The following TMED2 variants were observed in gnomAD, a reference collection of about 807,000 sequenced individuals.
TMED2 encodes the protein transmembrane p24 trafficking protein 2.
In TMED2, 3 loss-of-function variants were observed where a neutral mutation model predicts 17.5. The ratio of observed to expected loss-of-function variants is 0.17; its 90% CI spans 0.08 to 0.44. TMED2 has a LOEUF of 0.44. TMED2 is among the 20% of genes least tolerant of loss of function. The pLI is 0.99. For synonymous variants in TMED2, 95 were observed against 91.0 expected (o/e 1.04, Z -0.25); for missense variants, 149 against 254.8 (o/e 0.58, Z 2.83).
chr12:123,589,954 G>A (rs1275756290), intron 2 of TMED2, among the ~76,000 whole-genome samples: 2 of 151,228 alleles, frequency 1.3e-5, no homozygotes, highest in Admixed American at 1.3e-4. Context: ...CACTGTACTT[G>A]AGCCTGGGTG....
At chr12:123,584,979 C>T (rs1886312089) in intron 1 of TMED2, 163 bp downstream of exon 1, 3 of 887,632 alleles carry the variant, frequency 3.4e-6, no homozygotes, top group Non-Finnish European at 5.0e-6. Flanking sequence ...CCGGCCACGG[C>T]GACCTCCTAA....
chr12:123,595,324 A>G (rs1337913664), intron 3 of TMED2, among the ~76,000 whole-genome samples: 2 of 152,200 alleles, frequency 1.3e-5, no homozygotes, highest in Admixed American at 6.5e-5. Flanking sequence ...TACTTTAAGG[A>G]TCAAATCCTT....
At position 123,598,124 on chromosome 12, in the gene TMED2, C is replaced by A. The variant is rs775509442; in HGVS notation, c.*1395C>A. 9.8e-5 allele frequency: 15 copies of A among 152,398 alleles called. No individual in the cohort carries two copies. The highest frequency in any genetic ancestry group is 2.2e-4 in the Non-Finnish European group (15 of 67,994). 9.4% of individuals were successfully genotyped at this position (152,398 alleles called of 1,614,324 possible). ...ATATGCCCCAGGTTCGGTAAATAAACAATTCTTTTTAAAAACAGTATTCTG... is the reference window on the plus strand; with the variant it reads ...ATATGCCCCAGGTTCGGTAAATAAAAAATTCTTTTTAAAAACAGTATTCTG... On this transcript the variant is annotated 3_prime_UTR_variant, in exon 4 of 4. Coordinates refer to ENST00000262225, the MANE Select transcript of TMED2 (RefSeq NM_006815.4).
In TMED2 at chr12:123,592,347, G is replaced by A. The variant is rs148978857; in HGVS notation, c.481+1898G>A. ...TGGAAGGGCACTGAACTAACTCAGA[G>A]GGCAAGTTCCTCTACTTTGCAATTT... On this transcript the variant is annotated intron_variant, in intron 3 of 3. Transcript: ENST00000262225. Among the ~76,000 whole-genome samples, 97 of 152,176 alleles carry A rather than the reference G, an allele frequency of 6.4e-4. 1 individual carries two copies. The highest frequency in any genetic ancestry group is 2.3e-3 in the African/African-American group (96 of 41,430).
At chr12:123,586,536 G>C in intron 1 of TMED2, 1 of 310,180 alleles carries the variant, frequency 3.2e-6, no homozygotes, top group South Asian at 6.5e-5. Flanking sequence ...TTTTAGTAGA[G>C]ACGGAGTTTT....
Position 123,584,564 on chromosome 12 carries a change from G to GGGCGGC in TMED2, c.-51_-46dup, listed in dbSNP as rs71088937. On this transcript the variant is annotated 5_prime_UTR_variant, in exon 1 of 4. Coordinates refer to ENST00000262225, the MANE Select transcript of TMED2 (RefSeq NM_006815.4). ...GGCGGCGGTGGCTGAGAAGGCAGCGGGGCGGCGGCGGCGGCGGCGGCGGCG... is the reference window on the plus strand; with the variant it reads ...GGCGGCGGTGGCTGAGAAGGCAGCGGGGCGGCGGCGGCGGCGGCGGCGGCGGCGGCG... The GGGCGGC allele has an allele frequency of 4.7e-4, 658 of 1,399,942 alleles. 2 individuals are homozygous for GGGCGGC. The highest frequency in any genetic ancestry group is 2.0e-3 in the Middle Eastern group (8 of 3,972). The allele number at this position is 1,399,942 out of a possible 1,614,324, so 86.7% of individuals were successfully genotyped here.
At chr12:123,591,964 G>C (rs145786202) in intron 3 of TMED2, among the ~76,000 whole-genome samples, 22 of 152,326 alleles carry the variant, frequency 1.4e-4, no homozygotes, top group African/African-American at 4.8e-4. Flanking sequence ...GATAAGCACA[G>C]CTTGAATTTC....
intron 3 of TMED2, among the ~76,000 whole-genome samples, chr12:123,596,063 G>T (rs1432286521): frequency 1.3e-5 from 2 of 152,124 alleles, no homozygotes; most frequent in Non-Finnish European, 2.9e-5. Flanking sequence ...GGAGACAAAA[G>T]TATTTAGAGT....
chr12:123,594,390 T>C (rs1372469648), intron 3 of TMED2, among the ~76,000 whole-genome samples: 8 of 151,828 alleles, frequency 5.3e-5, no homozygotes, highest in Non-Finnish European at 2.9e-5. Flanking sequence ...CGCCTCGACC[T>C]CACAAAGTGC....
chr12:123,584,813 G>A lies in TMED2; in HGVS notation c.177G>A (p.Val59=). The change falls in exon 1 of 4, where the codon GTG becomes GTA. Residue 59 remains valine (V), a synonymous_variant. Transcript: ENST00000262225. ...AGGGCGGCTTCCTGGACATCGACGT[G>A]GAGGTGCGGGCTAGCTGCCCGCAGC... is the stretch of plus-strand genomic sequence containing the variant. ...VAEGGFLDID[V]EITGPDNKGI... is the part of the protein sequence containing the mutation. The A allele has an allele frequency of 6.2e-7, 1 of 1,609,114 alleles. No individual in the cohort carries two copies.
chr12:123,587,486 A>T, intron 2 of TMED2: 1 of 587,782 alleles, frequency 1.7e-6, no homozygotes, highest in Non-Finnish European at 2.4e-6. Context: ...ATGTGTCTTC[A>T]GTTATTTTTT....
chr12:123,586,952 T>G lies in TMED2; in HGVS notation c.373+13T>G. 1 of 1,571,824 alleles carries G rather than the reference T, an allele frequency of 6.4e-7. No individual in the cohort carries two copies. The highest frequency in any genetic ancestry group is 8.6e-7 in the Non-Finnish European group (1 of 1,156,802). ...ATGGAAACAGAAGGTGAGATGAACA[T>G]TCAGAAGATTTACATCACATTCCAA... On this transcript the variant is annotated intron_variant, in intron 2 of 3. Transcript: ENST00000262225.
chr12:123,592,960 C>G (rs1177397642), intron 3 of TMED2, among the ~76,000 whole-genome samples: 1 of 151,990 alleles, frequency 6.6e-6, no homozygotes, highest in Non-Finnish European at 1.5e-5. Flanking sequence ...AATCTCAGCA[C>G]TTTGGGAGGC....
At chr12:123,591,008 G>A (rs1173912500) in intron 3 of TMED2, among the ~76,000 whole-genome samples, 1 of 151,806 alleles carries the variant, frequency 6.6e-6, no homozygotes, top group East Asian at 1.9e-4. Flanking sequence ...AAAAAGTTTG[G>A]GTTTTTAAAA....
chr12:123,596,372 T>C (rs1593642263), intron 3 of TMED2, among the ~76,000 whole-genome samples: 1 of 152,328 alleles, frequency 6.6e-6, no homozygotes, highest in East Asian at 1.9e-4. Flanking sequence ...TAGGCTAGGC[T>C]AAGCTATGAT....
intron 2 of TMED2, 42 bp from the exon 3 acceptor site, chr12:123,590,300 A>AG: frequency 1.4e-6 from 2 of 1,481,238 alleles, no homozygotes; most frequent in Non-Finnish European, 1.8e-6. Flanking sequence ...AAAAAAAAAA[A>AG]AGACATTGAC....
chr12:123,593,276 G>A (rs569202106), intron 3 of TMED2, among the ~76,000 whole-genome samples: 266 of 151,346 alleles, frequency 1.8e-3, no homozygotes, highest in African/African-American at 5.7e-3. Flanking sequence ...TTTTTTAGAC[G>A]GAGTCTTGCT....
chr12:123,590,152 G>T (rs918764607), intron 2 of TMED2, among the ~76,000 whole-genome samples, 190 bp from the exon 3 acceptor site: 1 of 151,984 alleles, frequency 6.6e-6, no homozygotes, highest in African/African-American at 2.4e-5. Context: ...GTGTGGCAGC[G>T]TGTGCCTGTA....
chr12:123,595,722 A>G (rs1445731462), intron 3 of TMED2, among the ~76,000 whole-genome samples: 4 of 152,224 alleles, frequency 2.6e-5, no homozygotes, highest in South Asian at 2.1e-4. Flanking sequence ...ATATACAAGC[A>G]GAATGGACTT....
Sources: gnomAD v4.1 joint callset for allele counts (sites outside exome capture counted in the v4.1 genomes callset) on GRCh38, gnomAD v4.1.1 for gene constraint, MANE v1.5 for transcripts, NCBI Gene and HGNC (gene_info 2026-07-23, HGNC 2026-07-21) for gene names.